Variants in GAPVD1 observed in about 807,000 individuals in gnomAD.
The protein encoded by GAPVD1 is GTPase activating protein and VPS9 domains 1.
GAPVD1 carries 35 observed loss-of-function variants against 155.5 expected under a neutral mutation model. The observed-to-expected ratio is 0.23, with a 90% CI of 0.17 to 0.30. The LOEUF is 0.30. GAPVD1 is among the 10% of genes least tolerant of loss of function. The pLI, the probability that GAPVD1 is intolerant of heterozygous loss-of-function variation, is 1.00. For synonymous variants in GAPVD1, 636 were observed against 619.7 expected (o/e 1.03, Z -0.39); for missense variants, 1,429 against 1,775.7 (o/e 0.80, Z 3.51).
intron 9 of GAPVD1, among the ~76,000 whole-genome samples, chr9:125,315,255 A>G (rs1782945586): frequency 6.6e-6 from 1 of 152,320 alleles, no homozygotes; most frequent in South Asian, 2.1e-4. Context: ...TCGAAACTCC[A>G]TCCTCCACAC....
chr9:125,312,679 C>T (rs1027460853), intron 9 of GAPVD1, 67 bp downstream of exon 9: 3 of 1,182,872 alleles, frequency 2.5e-6, no homozygotes, highest in Non-Finnish European at 3.6e-6. Context: ...TGTAACAAAA[C>T]ACCAGAGGTT....
chr9:125,355,590 A>C (rs1386877753), intron 24 of GAPVD1, 54 bp from the exon 25 acceptor site: 1 of 1,079,174 alleles, frequency 9.3e-7, no homozygotes, highest in African/African-American at 1.6e-5. Context: ...CCTTTTTAAA[A>C]TTATTTAGAT....
chr9:125,297,908 A>G (rs975974638), intron 3 of GAPVD1, among the ~76,000 whole-genome samples: 4 of 151,936 alleles, frequency 2.6e-5, no homozygotes, highest in Admixed American at 2.6e-4. Context: ...ACCACACCCA[A>G]CTAATTTTTG....
chr9:125,353,693 A>G (rs1357735107), intron 23 of GAPVD1, among the ~76,000 whole-genome samples: 2 of 152,274 alleles, frequency 1.3e-5, no homozygotes, highest in East Asian at 1.9e-4. Context: ...GGCAGCAGAC[A>G]AGAGAAGAGA....
Position 125,305,046 on chromosome 9 carries a change from A to G in GAPVD1, c.1030-17A>G, listed in dbSNP as rs781118344. On this transcript the variant is annotated splice_polypyrimidine_tract_variant and intron_variant, in intron 5 of 27. Coordinates refer to ENST00000297933, the MANE Select transcript of GAPVD1 (RefSeq NM_001282680.3). ...TGTCTGTAGCTTATGTCTCCCTACC[A>G]CTGCTTTGGGTTGCAGGTAGGCCGC... 6.4e-6 allele frequency: 10 copies of G among 1,571,050 alleles called. No individual in the cohort carries two copies. Among genetic ancestry groups the G allele is most frequent in the Non-Finnish European group, 7.9e-6 (9 of 1,141,212 alleles).
intron 9 of GAPVD1, 26 bp downstream of exon 9, chr9:125,312,638 C>T: frequency 1.3e-6 from 2 of 1,543,302 alleles, no homozygotes; most frequent in Middle Eastern, 1.7e-4. Context: ...TTCTATAAAT[C>T]AATATTCATG....
chr9:125,285,749 C>T (rs540243697), intron 2 of GAPVD1, among the ~76,000 whole-genome samples: 1 of 152,070 alleles, frequency 6.6e-6, no homozygotes, highest in African/African-American at 2.4e-5. Context: ...GTGTGAGCCA[C>T]TGCACCTGGC....
chr9:125,306,736 A>T (rs769550167), intron 6 of GAPVD1, among the ~76,000 whole-genome samples: 2 of 152,112 alleles, frequency 1.3e-5, no homozygotes, highest in Non-Finnish European at 2.9e-5. Context: ...CAAGCAGTCC[A>T]CCCACCTTGG....
At position 125,305,509 on chromosome 9, in the gene GAPVD1, C is replaced by T. The variant is rs772093802; in HGVS notation, c.1116+360C>T. Reference sequence around the variant, plus strand: ...CCTCAGCCTCCCCAGTAACTGGGATCACAGGTGCCTGCCACTACACCCGGC... The same window carrying T: ...CCTCAGCCTCCCCAGTAACTGGGATTACAGGTGCCTGCCACTACACCCGGC... On this transcript the variant is annotated intron_variant, in intron 6 of 27. Coordinates refer to ENST00000297933, the MANE Select transcript of GAPVD1 (RefSeq NM_001282680.3). Among the ~76,000 whole-genome samples, 64 of 151,644 alleles carry T rather than the reference C, an allele frequency of 4.2e-4. 1 individual carries two copies. Among genetic ancestry groups the T allele is most frequent in the Non-Finnish European group, 7.7e-4 (52 of 67,948 alleles).
At chr9:125,294,107 T>A (rs1839435182) in intron 2 of GAPVD1, among the ~76,000 whole-genome samples, 1 of 151,016 alleles carries the variant, frequency 6.6e-6, no homozygotes, top group Admixed American at 6.7e-5. Flanking sequence ...GGAGATAGGG[T>A]TTCACCATGT....
At chr9:125,346,339 G>A (rs1848519094) in intron 19 of GAPVD1, 1 of 208,000 alleles carries the variant, frequency 4.8e-6, no homozygotes, top group Non-Finnish European at 9.8e-6. Flanking sequence ...TCAAATGCGT[G>A]GAGAGAGATT....
At chr9:125,343,646 A>G (rs1379287443) in intron 19 of GAPVD1, among the ~76,000 whole-genome samples, 2 of 152,214 alleles carry the variant, frequency 1.3e-5, no homozygotes, top group Non-Finnish European at 2.9e-5. Context: ...AGAGCAGCTA[A>G]GCCTGTCCTA....
intron 1 of GAPVD1, among the ~76,000 whole-genome samples, chr9:125,266,323 T>TA (rs199537031): frequency 0.012 from 1,807 of 150,094 alleles, 36 homozygotes; most frequent in African/African-American, 0.038. Context: ...TATTTTATTT[T>TA]TTTTTTTTTA....
intron 26 of GAPVD1, 83 bp from the exon 27 acceptor site, chr9:125,360,445 C>A: frequency 9.5e-7 from 1 of 1,057,832 alleles, no homozygotes; most frequent in Non-Finnish European, 1.5e-6. Flanking sequence ...TATCCTCTGC[C>A]TCCTGACACG....
At position 125,366,749 on chromosome 9, in the gene GAPVD1, G is replaced by A. The variant is rs1851488530; in HGVS notation, c.*4003G>A. ...ATTACTTAATATATTTTAGAATGTA[G>A]GTTAGAAAGTAGTAGGACAAGGAAT... On this transcript the variant is annotated 3_prime_UTR_variant, in exon 28 of 28. Transcript: ENST00000297933. 1 of 152,170 alleles carries A rather than the reference G, an allele frequency of 6.6e-6. No individual in the cohort carries two copies. The highest frequency in any genetic ancestry group is 2.1e-4 in the South Asian group (1 of 4,828). 9.4% of individuals were successfully genotyped at this position (152,170 alleles called of 1,614,324 possible). A position where few individuals can be genotyped will look rare whatever the true frequency, so the allele number is the denominator to read the frequency against.
Position 125,328,802 on chromosome 9 carries a change from C to T in GAPVD1, c.2033-1276C>T, listed in dbSNP as rs1392594616. ...CCGGGCAGAGGCGCCCCTCACCTCC[C>T]GGACGAGGCGGCTGGCCGGGCAGGG... On this transcript the variant is annotated intron_variant, in intron 12 of 27. Transcript: ENST00000297933. Among the ~76,000 whole-genome samples, 7 of 150,044 alleles carry T rather than the reference C, an allele frequency of 4.7e-5. No individual in the cohort carries two copies. The South Asian group carries it at 1.3e-3, about 27-fold the overall frequency.
intron 2 of GAPVD1, among the ~76,000 whole-genome samples, chr9:125,273,995 A>T (rs1403112673): frequency 6.6e-6 from 1 of 150,410 alleles, no homozygotes; most frequent in Non-Finnish European, 1.5e-5. Context: ...TTATTTATTT[A>T]TTATTATTAT....
chr9:125,272,814 T>C (rs1227599898), intron 2 of GAPVD1, among the ~76,000 whole-genome samples: 2 of 152,206 alleles, frequency 1.3e-5, no homozygotes, highest in Non-Finnish European at 2.9e-5. Context: ...GAAATGTACA[T>C]GACAGCCCTC....
intron 18 of GAPVD1, chr9:125,341,571 A>C (rs1847856589): frequency 5.0e-6 from 1 of 199,144 alleles, no homozygotes; most frequent in Non-Finnish European, 1.0e-5. Flanking sequence ...ATTGCTATTA[A>C]TTATTGCAGG....
Sources: gnomAD v4.1 joint callset for allele counts (sites outside exome capture counted in the v4.1 genomes callset) on GRCh38, gnomAD v4.1.1 for gene constraint, MANE v1.5 for transcripts, NCBI Gene and HGNC (gene_info 2026-07-23, HGNC 2026-07-21) for gene names.